PGM2L1: variants seen among roughly 807,000 people sequenced by gnomAD.
PGM2L1 encodes the protein glucose 1,6-bisphosphate synthase.
Under a neutral mutation model 73.4 loss-of-function variants are expected in PGM2L1, and 35 were observed. The ratio of observed to expected loss-of-function variants is 0.48; its 90% CI spans 0.36 to 0.63. The LOEUF is 0.63. Ranked by LOEUF, PGM2L1 falls within the 30% of genes least tolerant of loss-of-function variation. PGM2L1 has a pLI of 0.00. For synonymous variants in PGM2L1, 225 were observed against 253.8 expected (o/e 0.89, Z 1.08); for missense variants, 570 against 742.0 (o/e 0.77, Z 2.69).
At chr11:74,360,283 AG>A (rs1194598091) in intron 5 of PGM2L1, among the ~76,000 whole-genome samples, 4 of 141,232 alleles carry the variant, frequency 2.8e-5, no homozygotes, top group East Asian at 2.3e-4. Context: ...GAAGGAAGGA[AG>A]GGAGGGAGGT....
At position 74,335,591 on chromosome 11, in the gene PGM2L1, T is replaced by C. The variant is rs981771495; in HGVS notation, c.*1061A>G. On this transcript the variant is annotated 3_prime_UTR_variant, in exon 14 of 14. Transcript: ENST00000298198. ...ACTTAAAATTTGGATGTTTTATTCT[T>C]AGTAAAATTAACATTACTTCATAAA... 6.6e-6 allele frequency: 1 copy of C among 152,226 alleles called. No homozygotes were observed. Among genetic ancestry groups the C allele is most frequent in the Non-Finnish European group, 1.5e-5 (1 of 68,036 alleles). 9.4% of individuals were successfully genotyped at this position (152,226 alleles called of 1,614,324 possible).
chr11:74,370,137 A>G (rs1309229320), intron 4 of PGM2L1, among the ~76,000 whole-genome samples: 1 of 152,170 alleles, frequency 6.6e-6, no homozygotes, highest in Non-Finnish European at 1.5e-5. Context: ...ATAAACATTC[A>G]TTTTATCATT....
chr11:74,373,984 A>T (rs1862814293), intron 2 of PGM2L1, among the ~76,000 whole-genome samples: 1 of 150,456 alleles, frequency 6.6e-6, no homozygotes, highest in African/African-American at 2.4e-5. Flanking sequence ...CTTACATAAC[A>T]GTAACTTCTG....
intron 1 of PGM2L1, among the ~76,000 whole-genome samples, chr11:74,382,559 T>C (rs1862962266): frequency 6.6e-6 from 1 of 152,134 alleles, no homozygotes; most frequent in African/African-American, 2.4e-5. Flanking sequence ...AGTACAGTGG[T>C]GCAAACACAG....
At chr11:74,378,495 C>T (rs1299177144) in intron 1 of PGM2L1, among the ~76,000 whole-genome samples, 4 of 152,158 alleles carry the variant, frequency 2.6e-5, no homozygotes, top group Non-Finnish European at 4.4e-5. Context: ...TTAGTGACTA[C>T]TAGCATTTCT....
chr11:74,338,483 G>A lies in PGM2L1; in HGVS notation c.1751C>T (p.Ala584Val), dbSNP rs779736186. Residue 584 changes from alanine to valine, a missense_variant, in exon 13 of 14, where the codon GCG (alanine) becomes GTG (valine). Coordinates refer to ENST00000298198, the MANE Select transcript of PGM2L1 (RefSeq NM_173582.6). ...CAATTCTTACCTCTGGTCAGGTGAC[G>A]CACACATCTCTGCATAATACTTTAT... ...PKIKYYAEMC[A>V]SPDQSDTALL... 12 of 1,577,366 alleles carry A rather than the reference G, an allele frequency of 7.6e-6. No homozygotes were observed. The highest frequency in any genetic ancestry group is 6.9e-5 in the South Asian group (6 of 87,326).
chr11:74,355,689 T>C lies in PGM2L1; in HGVS notation c.556-4113A>G, dbSNP rs886633598. 7.4e-5 allele frequency: 38 copies of C among 511,340 alleles called. No homozygotes were observed. The East Asian group carries it at 2.0e-3, about 27-fold the overall frequency. The allele number at this position is 511,340 out of a possible 1,614,324, so 31.7% of individuals were successfully genotyped here. On this transcript the variant is annotated intron_variant, in intron 5 of 13. Transcript: ENST00000298198. ...ACCAAGGTGGCTATGGTGGTTCCAA[T>C]AGCAGCAGTAGCTATGGCAGCAGCA...
At position 74,336,705 on chromosome 11, in the gene PGM2L1, T is replaced by A; in HGVS notation, c.1816A>T (p.Ile606Leu). Residue 606 changes from isoleucine to leucine, a missense_variant, in exon 14 of 14, where the codon ATA becomes TTA. Ile to Leu is a conservative substitution (Grantham distance 5, BLOSUM62 2). Transcript: ENST00000298198. ...EELKKLIDAL[I>L]ENFLQPSKNG... ...TTACTAGGCTGAAGAAAATTCTCTA[T>A]CAGAGCATCAATGAGTTTCTTCAGT... 1 of 1,613,114 alleles carries A rather than the reference T, an allele frequency of 6.2e-7. No individual in the cohort carries two copies. The highest frequency in any genetic ancestry group is 8.5e-7 in the Non-Finnish European group (1 of 1,179,404).
chr11:74,390,190 A>C (rs1430274859), intron 1 of PGM2L1, among the ~76,000 whole-genome samples: 2 of 148,476 alleles, frequency 1.3e-5, no homozygotes, highest in Admixed American at 1.3e-4. Flanking sequence ...AAAACAGGGC[A>C]AAGAAGTCCC....
rs1489240196 is a variant in PGM2L1, at chr11:74,336,416, G to A, written c.*236C>T. On this transcript the variant is annotated 3_prime_UTR_variant, in exon 14 of 14. Coordinates refer to ENST00000298198, the MANE Select transcript of PGM2L1 (RefSeq NM_173582.6). ...AATACGTTACTATAATACTTTTAGTGTAATAACTTTTGTTTGAATTATGAA... is the reference window on the plus strand; with the variant it reads ...AATACGTTACTATAATACTTTTAGTATAATAACTTTTGTTTGAATTATGAA... 1.3e-5 allele frequency: 4 copies of A among 301,114 alleles called. No individual in the cohort carries two copies. Among genetic ancestry groups the A allele is most frequent in the African/African-American group, 6.5e-5 (3 of 45,836 alleles). 18.7% of individuals were successfully genotyped at this position (301,114 alleles called of 1,614,324 possible).
chr11:74,395,549 C>CCTT (rs1218218679), intron 1 of PGM2L1, among the ~76,000 whole-genome samples: 5 of 64,920 alleles, frequency 7.7e-5, no homozygotes, highest in Admixed American at 2.3e-4. Context: ...CCTCGCCTGG[C>CCTT]TTTTTTTTTT....
intron 2 of PGM2L1, among the ~76,000 whole-genome samples, chr11:74,373,069 T>C (rs1252842426): frequency 1.3e-5 from 2 of 152,188 alleles, no homozygotes; most frequent in East Asian, 1.9e-4. Flanking sequence ...ACCAACCTAA[T>C]AGAGTGAAAA....
In PGM2L1 at chr11:74,332,329, CAT is replaced by C. The variant is rs1283908748; in HGVS notation, c.*4321_*4322del. 2.0e-5 allele frequency: 3 copies of C among 152,172 alleles called. No individual in the cohort carries two copies. The highest frequency in any genetic ancestry group is 6.5e-5 in the Admixed American group (1 of 15,276). The allele number at this position is 152,172 out of a possible 1,614,324, so 9.4% of individuals were successfully genotyped here. A position where few individuals can be genotyped will look rare whatever the true frequency, so the allele number is the denominator to read the frequency against. On this transcript the variant is annotated 3_prime_UTR_variant, in exon 14 of 14. Coordinates refer to ENST00000298198, the MANE Select transcript of PGM2L1 (RefSeq NM_173582.6). ...ATTGTAAAAGGCCGTAATAAATTAA[CAT>C]ATAGCAGTATGCAGACAGATCAAAA...
chr11:74,365,594 A>C (rs1451789492), intron 5 of PGM2L1, among the ~76,000 whole-genome samples: 1 of 152,238 alleles, frequency 6.6e-6, no homozygotes, highest in Non-Finnish European at 1.5e-5. Flanking sequence ...TTATGCAGCC[A>C]ACAGACACAT....
At chr11:74,345,753 A>G in intron 8 of PGM2L1, 104 bp from the exon 9 acceptor site, 1 of 980,926 alleles carries the variant, frequency 1.0e-6, no homozygotes, top group South Asian at 1.5e-5. Context: ...AAAATCAAAA[A>G]CTATCATATG....
intron 5 of PGM2L1, among the ~76,000 whole-genome samples, chr11:74,362,509 C>T (rs1287324349): frequency 1.3e-5 from 2 of 152,164 alleles, no homozygotes; most frequent in Non-Finnish European, 1.5e-5. Context: ...AACCAGCTAA[C>T]ATCATAATGA....
At chr11:74,350,919 AAGAG>A (rs373985712) in intron 6 of PGM2L1, among the ~76,000 whole-genome samples, 14 of 135,542 alleles carry the variant, frequency 1.0e-4, no homozygotes, top group South Asian at 2.3e-4. Flanking sequence ...GAGAGAGAGA[AAGAG>A]AGAGAGAGAG....
chr11:74,352,753 G>C (rs1036808654), intron 5 of PGM2L1, among the ~76,000 whole-genome samples: 1 of 152,126 alleles, frequency 6.6e-6, no homozygotes, highest in Admixed American at 6.5e-5. Context: ...TAATTCACAA[G>C]AGGAAAGGGA....
Position 74,368,357 on chromosome 11 carries a change from C to G in PGM2L1, c.555+135G>C, listed in dbSNP as rs1862694364. On this transcript the variant is annotated intron_variant, in intron 5 of 13. Transcript: ENST00000298198. The stretch of plus-strand genomic sequence containing the variant: ...TTAGGGATACACATTCTTTGAGGAC[C>G]AGCCTCAGTGTTTTTAACTTTCTGT... The G allele has an allele frequency of 7.8e-6, 5 of 643,388 alleles. No homozygotes were observed. In the South Asian group the frequency reaches 1.1e-4, roughly 14 times the overall value. The allele number at this position is 643,388 out of a possible 1,614,324, so 39.9% of individuals were successfully genotyped here.
Sources: gnomAD v4.1 joint callset for allele counts (sites outside exome capture counted in the v4.1 genomes callset) on GRCh38, gnomAD v4.1.1 for gene constraint, MANE v1.5 for transcripts, NCBI Gene and HGNC (gene_info 2026-07-23, HGNC 2026-07-21) for gene names.